PGBD5: variants seen among roughly 807,000 people sequenced by gnomAD.
The protein encoded by PGBD5 is piggyBac transposable element derived 5, also known as piggyBac transposable element-derived protein 5.
A neutral mutation model predicts 47.9 loss-of-function variants in PGBD5; 14 were observed. That is an observed-to-expected ratio of 0.29 (90% CI 0.19 to 0.46). PGBD5 has a LOEUF of 0.46. Among genes scored for constraint, PGBD5 ranks in the 20% least tolerant of loss-of-function variants. The pLI, the probability that PGBD5 is intolerant of heterozygous loss-of-function variation, is 1.00. For synonymous variants in PGBD5, 316 were observed against 306.3 expected (o/e 1.03, Z -0.33); for missense variants, 635 against 716.0 (o/e 0.89, Z 1.29).
intron 1 of PGBD5, among the ~76,000 whole-genome samples, chr1:230,391,191 C>T (rs772807188): frequency 1.3e-5 from 2 of 152,112 alleles, no homozygotes; most frequent in Admixed American, 6.5e-5. Flanking sequence ...ACCAGCCTGT[C>T]GCTGTGGCTG....
chr1:230,372,664 G>T (rs544812641), intron 1 of PGBD5, among the ~76,000 whole-genome samples: 25 of 152,312 alleles, frequency 1.6e-4, no homozygotes, highest in African/African-American at 5.3e-4. Context: ...CCTTAGAGAT[G>T]TTCTCTGCTA....
At chr1:230,351,848 T>C (rs542344440) in intron 2 of PGBD5, among the ~76,000 whole-genome samples, 1 of 152,224 alleles carries the variant, frequency 6.6e-6, no homozygotes, top group Non-Finnish European at 1.5e-5. Context: ...CATGATTATA[T>C]GACTTTTCCC....
chr1:230,329,971 CTTTT>C (rs1005758783), intron 5 of PGBD5, among the ~76,000 whole-genome samples: 1 of 152,036 alleles, frequency 6.6e-6, no homozygotes, highest in Non-Finnish European at 1.5e-5. Flanking sequence ...GAAATGAAAA[CTTTT>C]TTTTATGTTA....
rs576313834 is a variant in PGBD5 at position 230,352,239 on chromosome 1, C to G, written c.760-1147G>C. ...CTACAATATCAGAACTGACAACACG[C>G]AACAGTGACCACACCGATACAAAGT... is the stretch of plus-strand genomic sequence containing the variant. On this transcript the variant is annotated intron_variant, in intron 2 of 6. Coordinates refer to ENST00000391860, the MANE Select transcript of PGBD5 (RefSeq NM_001258311.2). Among the ~76,000 whole-genome samples the G allele has an allele frequency of 1.2e-4, 18 of 152,296 alleles. No individual in the cohort carries two copies. The South Asian group carries it at 3.5e-3, about 30-fold the overall frequency.
At chr1:230,371,525 TA>T (rs1189552178) in intron 1 of PGBD5, among the ~76,000 whole-genome samples, 1 of 152,208 alleles carries the variant, frequency 6.6e-6, no homozygotes, top group African/African-American at 2.4e-5. Flanking sequence ...TTTCACTGCT[TA>T]AAAGAGCAGA....
intron 1 of PGBD5, among the ~76,000 whole-genome samples, chr1:230,415,751 G>T (rs1380031211): frequency 1.3e-5 from 2 of 152,164 alleles, no homozygotes; most frequent in African/African-American, 4.8e-5. Context: ...CAAGGCAATG[G>T]GGGAAGACAG....
At chr1:230,339,561 C>T (rs1464939191) in intron 3 of PGBD5, among the ~76,000 whole-genome samples, 1 of 152,212 alleles carries the variant, frequency 6.6e-6, no homozygotes, top group Non-Finnish European at 1.5e-5. Flanking sequence ...TGCACTCCCA[C>T]GTTCACTGCT....
intron 1 of PGBD5, among the ~76,000 whole-genome samples, chr1:230,374,015 T>C (rs1331082813): frequency 6.6e-6 from 1 of 152,126 alleles, no homozygotes; most frequent in East Asian, 1.9e-4. Flanking sequence ...AACAGGGCAG[T>C]AAATGAAATG....
chr1:230,421,057 T>C (rs892381015), intron 1 of PGBD5, among the ~76,000 whole-genome samples: 16 of 152,126 alleles, frequency 1.1e-4, no homozygotes, highest in Admixed American at 2.6e-4. Context: ...AAAACTAGGT[T>C]AGACCTCACC....
intron 1 of PGBD5, among the ~76,000 whole-genome samples, chr1:230,378,115 G>C (rs960121680): frequency 7.9e-5 from 12 of 152,254 alleles, no homozygotes; most frequent in Non-Finnish European, 1.3e-4. Context: ...AAGAGCAGCA[G>C]AAGTTATTCT....
At chr1:230,370,177 A>G (rs1042801695) in intron 1 of PGBD5, among the ~76,000 whole-genome samples, 11 of 152,346 alleles carry the variant, frequency 7.2e-5, no homozygotes, top group Non-Finnish European at 1.2e-4. Flanking sequence ...CCCTCCAGCC[A>G]CTGCAGTCAA....
At chr1:230,392,624 C>A (rs540753010) in intron 1 of PGBD5, among the ~76,000 whole-genome samples, 2 of 152,342 alleles carry the variant, frequency 1.3e-5, no homozygotes, top group South Asian at 4.2e-4. Flanking sequence ...TCCTTGCAAG[C>A]GTGTCCTTCA....
chr1:230,378,820 T>C (rs912175004), intron 1 of PGBD5, among the ~76,000 whole-genome samples: 3 of 152,098 alleles, frequency 2.0e-5, no homozygotes, highest in Non-Finnish European at 4.4e-5. Flanking sequence ...AGTCCTTCAG[T>C]CTTCTCAATA....
intron 1 of PGBD5, among the ~76,000 whole-genome samples, chr1:230,421,316 C>T (rs1260741550): frequency 3.9e-5 from 6 of 151,992 alleles, no homozygotes; most frequent in Admixed American, 6.5e-5. Flanking sequence ...CGCTTCCCCC[C>T]AAAACTAAAA....
chr1:230,412,712 A>G (rs1174306699), intron 1 of PGBD5, among the ~76,000 whole-genome samples: 1 of 152,040 alleles, frequency 6.6e-6, no homozygotes, highest in Non-Finnish European at 1.5e-5. Context: ...TATCCTCATC[A>G]TCTTCACTGA....
chr1:230,352,102 C>A (rs938984454), intron 2 of PGBD5, among the ~76,000 whole-genome samples: 1 of 151,898 alleles, frequency 6.6e-6, no homozygotes, highest in Non-Finnish European at 1.5e-5. Flanking sequence ...TGCCCTAGAT[C>A]GGGGTCAGCA....
In PGBD5 at chr1:230,425,901, T is replaced by G; in HGVS notation, c.28A>C (p.Arg10=). 3 of 1,157,120 alleles carry G rather than the reference T, an allele frequency of 2.6e-6. No individual in the cohort carries two copies. The highest frequency in any genetic ancestry group is 1.1e-6 in the Non-Finnish European group (1 of 942,746). 71.7% of individuals were successfully genotyped at this position (1,157,120 alleles called of 1,614,324 possible). A position where few individuals can be genotyped will look rare whatever the true frequency, so the allele number is the denominator to read the frequency against. ...GCCTCGAGCAGCGCCGGCGCCCTCC[T>G]CCGCGCGCCCCCGCCGCCCTCGGCC... MAEGGGGAR[R]RAPALLEAAR... The change falls in exon 1 of 7, where the codon AGG becomes CGG. Residue 10 remains arginine, a synonymous_variant. Transcript: ENST00000391860. The surrounding 1 kb of genome is among the most constrained non-coding windows in gnomAD (Gnocchi z 4.7).
intron 1 of PGBD5, among the ~76,000 whole-genome samples, chr1:230,410,123 C>A (rs937751515): frequency 1.3e-5 from 2 of 152,030 alleles, no homozygotes; most frequent in African/African-American, 4.8e-5. Flanking sequence ...GCAGGGATGG[C>A]AAAATTAACA....
intron 1 of PGBD5, among the ~76,000 whole-genome samples, chr1:230,390,924 G>A (rs1262986643): frequency 6.6e-6 from 1 of 152,112 alleles, no homozygotes; most frequent in Non-Finnish European, 1.5e-5. Flanking sequence ...ATTTTTAGTA[G>A]AGACAGGGTT....
Sources: gnomAD v4.1 joint callset for allele counts (sites outside exome capture counted in the v4.1 genomes callset) on GRCh38, gnomAD v4.1.1 for gene constraint, Gnocchi (gnomAD v3.1) non-coding constraint, MANE v1.5 for transcripts, NCBI Gene and HGNC (gene_info 2026-07-23, HGNC 2026-07-21) for gene names.